The following GRK3 variants were observed in gnomAD, a reference collection of about 807,000 sequenced individuals.
GRK3 encodes the protein adrenergic, beta, receptor kinase 2.
In GRK3, 54 loss-of-function variants were observed where a neutral mutation model predicts 95.7. The ratio of observed to expected loss-of-function variants is 0.56; its 90% CI spans 0.45 to 0.71. The LOEUF is 0.71. GRK3 is among the 30% of genes least tolerant of loss of function. GRK3 has a pLI of 0.00. For synonymous variants in GRK3, 281 were observed against 290.8 expected, an observed-to-expected ratio of 0.97 and a Z score of 0.34; for missense variants, 649 against 851.2, an observed-to-expected ratio of 0.76 and a Z score of 2.96.
At chr22:25,612,973 A>G (rs2084510370) in intron 2 of GRK3, among the ~76,000 whole-genome samples, 1 of 152,232 alleles carries the variant, frequency 6.6e-6, no homozygotes, top group African/African-American at 2.4e-5. Context: ...AAAACAAACT[A>G]AAACATTTTA....
At chr22:25,700,752 T>C (rs1399729074) in intron 13 of GRK3, among the ~76,000 whole-genome samples, 1 of 152,098 alleles carries the variant, frequency 6.6e-6, no homozygotes, top group African/African-American at 2.4e-5. Flanking sequence ...CACTCCCGGC[T>C]AATTTTTGTA....
chr22:25,588,567 T>C (rs776898482), intron 1 of GRK3, among the ~76,000 whole-genome samples: 10 of 152,188 alleles, frequency 6.6e-5, no homozygotes, highest in South Asian at 2.1e-4. Flanking sequence ...CAAGTCTTTA[T>C]TGTGACTTTG....
At chr22:25,655,044 C>T (rs1022659777) in intron 3 of GRK3, among the ~76,000 whole-genome samples, 2 of 152,166 alleles carry the variant, frequency 1.3e-5, no homozygotes, top group African/African-American at 4.8e-5. Context: ...AGTAATTCTT[C>T]TCTGACCCCT....
Position 25,711,117 on chromosome 22 carries a change from C to G in GRK3, c.1445C>G (p.Ala482Gly). ...PPRGEVNAAD[A>G]FDIGSFDEED... is the part of the protein sequence containing the mutation. ...CGGGGAGAAGTCAATGCTGCTGATG[C>G]CTTTGATATTGGCTCATTTGATGAA... Residue 482 changes from alanine (A) to glycine (G), a missense_variant, in exon 17 of 21, where the codon GCC becomes GGC. This residue lies in a region of GRK3 where 382 missense variants were observed against 493.8 expected (regional missense o/e 0.77). Transcript: ENST00000324198. 6.2e-7 allele frequency: 1 copy of G among 1,613,694 alleles called. No individual in the cohort carries two copies. The highest frequency in any genetic ancestry group is 8.5e-7 in the Non-Finnish European group (1 of 1,179,816).
chr22:25,707,742 G>A (rs1394429058), intron 15 of GRK3, among the ~76,000 whole-genome samples: 1 of 152,236 alleles, frequency 6.6e-6, no homozygotes, highest in African/African-American at 2.4e-5. Context: ...TTTGAGCAGA[G>A]GAGTGGTGAG....
chr22:25,698,497 C>G (rs558793525), intron 13 of GRK3, among the ~76,000 whole-genome samples: 1 of 152,016 alleles, frequency 6.6e-6, no homozygotes, highest in African/African-American at 2.4e-5. Flanking sequence ...GATGGTCTGT[C>G]GGGTAGGCTT....
chr22:25,629,389 A>G (rs1168352460), intron 2 of GRK3, among the ~76,000 whole-genome samples: 2 of 152,228 alleles, frequency 1.3e-5, no homozygotes, highest in African/African-American at 4.8e-5. Context: ...TACGGTAAAT[A>G]GGTTAATACA....
intron 3 of GRK3, chr22:25,648,447 A>G: frequency 5.4e-6 from 7 of 1,302,822 alleles, no homozygotes; most frequent in Non-Finnish European, 7.8e-6. Flanking sequence ...ACTAGAGGTT[A>G]AACTAGGACA....
chr22:25,644,853 C>A (rs529427648), intron 3 of GRK3, among the ~76,000 whole-genome samples, 188 bp downstream of exon 3: 1 of 152,188 alleles, frequency 6.6e-6, no homozygotes, highest in Non-Finnish European at 1.5e-5. Context: ...CCATAAAAGT[C>A]GCATTCTTAA....
intron 1 of GRK3, among the ~76,000 whole-genome samples, chr22:25,596,513 T>A (rs1316667938): frequency 6.6e-6 from 1 of 152,230 alleles, no homozygotes; most frequent in Non-Finnish European, 1.5e-5. Flanking sequence ...TTCAAAAAAA[T>A]TTAAAATTAT....
At chr22:25,674,679 G>A (rs2085012702) in intron 8 of GRK3, 151 bp downstream of exon 8, 3 of 649,942 alleles carry the variant, frequency 4.6e-6, no homozygotes, top group African/African-American at 1.8e-5. Context: ...GCCGGGCGTG[G>A]TGGCTCACGC....
chr22:25,593,939 T>A (rs1932583079), intron 1 of GRK3, among the ~76,000 whole-genome samples: 1 of 152,216 alleles, frequency 6.6e-6, no homozygotes, highest in Non-Finnish European at 1.5e-5. Context: ...TTTTGGGTTC[T>A]CTCTTCTATT....
rs1428385956 is a variant in GRK3, at chr22:25,606,413, G to A, written c.190+1960G>A. Among the ~76,000 whole-genome samples the A allele has an allele frequency of 4.6e-5, 7 of 152,238 alleles. No individual in the cohort carries two copies. In the South Asian group the frequency reaches 8.3e-4, roughly 18 times the overall value. On this transcript the variant is annotated intron_variant, in intron 2 of 20. Transcript: ENST00000324198. ...GTCTAGTGTTGTTGGCCTGCTCCCCGTTTTTCTCTGTAGTAGTCTCACTTT... is the reference window on the plus strand; with the variant it reads ...GTCTAGTGTTGTTGGCCTGCTCCCCATTTTTCTCTGTAGTAGTCTCACTTT...
At chr22:25,602,579 G>C (rs756307802) in intron 1 of GRK3, among the ~76,000 whole-genome samples, 1 of 152,118 alleles carries the variant, frequency 6.6e-6, no homozygotes, top group African/African-American at 2.4e-5. Context: ...CAGATGGCTG[G>C]GTAAACAAAT....
chr22:25,709,415 G>C (rs2085326695), intron 15 of GRK3, among the ~76,000 whole-genome samples: 2 of 152,056 alleles, frequency 1.3e-5, no homozygotes. Context: ...AAAGGGTTTT[G>C]GTATACATTA....
intron 1 of GRK3, 116 bp downstream of exon 1, chr22:25,565,269 A>T (rs1244884070): frequency 2.2e-6 from 1 of 452,100 alleles, no homozygotes; most frequent in Non-Finnish European, 3.8e-6. Context: ...GGCGGGTGAC[A>T]CAGCGGAGCG....
In GRK3 at chr22:25,667,653, T is replaced by G. The variant is rs555565986; in HGVS notation, c.442-86T>G. On this transcript the variant is annotated intron_variant, in intron 5 of 20. Transcript: ENST00000324198. Reference sequence around the variant, plus strand: ...CTATGGGGAGTGCATAATTGGGAACTTCGCTTAACCTGAGTCTCATTGGTT... The same window carrying G: ...CTATGGGGAGTGCATAATTGGGAACGTCGCTTAACCTGAGTCTCATTGGTT... 8.3e-5 allele frequency: 78 copies of G among 937,078 alleles called. No homozygotes were observed. The African/African-American group carries it at 1.2e-3, about 14-fold the overall frequency. 58.0% of individuals were successfully genotyped at this position (937,078 alleles called of 1,614,324 possible). A position where few individuals can be genotyped will look rare whatever the true frequency, so the allele number is the denominator to read the frequency against.
intron 1 of GRK3, among the ~76,000 whole-genome samples, chr22:25,581,678 G>T (rs1297723033): frequency 2.0e-5 from 3 of 152,104 alleles, no homozygotes; most frequent in Non-Finnish European, 4.4e-5. Context: ...CTATTGAAAG[G>T]AGAAAGCACA....
At chr22:25,621,629 G>A (rs139076373) in intron 2 of GRK3, among the ~76,000 whole-genome samples, 1 of 152,272 alleles carries the variant, frequency 6.6e-6, no homozygotes, top group East Asian at 1.9e-4. Flanking sequence ...TACTTGGCCT[G>A]ATTATTTGCA....
Sources: allele counts gnomAD v4.1 joint callset (sites outside exome capture counted in the v4.1 genomes callset), GRCh38; gene constraint gnomAD v4.1.1; regional missense constraint gnomAD v4.1.1; transcripts MANE v1.5; gene names NCBI Gene and HGNC (gene_info 2026-07-23, HGNC 2026-07-21).